Variants in CCDC102B observed in about 807,000 individuals in gnomAD.
CCDC102B encodes coiled-coil domain containing 102B.
Under a neutral mutation model 57.4 loss-of-function variants are expected in CCDC102B, and 75 were observed. That is an observed-to-expected ratio of 1.31 (90% CI 1.08 to 1.58). CCDC102B has a LOEUF of 1.58. Among genes scored for constraint, CCDC102B ranks in the 40% most tolerant of loss-of-function variants. CCDC102B has a pLI of 0.00. For synonymous variants in CCDC102B, 206 were observed against 201.9 expected (o/e 1.02, Z -0.17); for missense variants, 636 against 582.6 (o/e 1.09, Z -0.94).
intron 2 of CCDC102B, chr18:68,721,054 A>G (rs1402171414): frequency 6.6e-6 from 1 of 152,198 alleles, no homozygotes; most frequent in Non-Finnish European, 1.5e-5. Context: ...AGCCTGTGGG[A>G]CAGACAGACA....
At chr18:68,933,066 A>T (rs1355283796) in intron 6 of CCDC102B, among the ~76,000 whole-genome samples, 1 of 151,092 alleles carries the variant, frequency 6.6e-6, no homozygotes, top group Non-Finnish European at 1.5e-5. Flanking sequence ...TGCTCTAAAC[A>T]CTTAAATAGT....
In CCDC102B at chr18:68,874,579, A is replaced by T. The variant is rs565521839; in HGVS notation, c.937-90A>T. The stretch of plus-strand genomic sequence containing the variant: ...ATCCACATAGGAAAAAGGCAAAACA[A>T]CACTAAAGCTAAATGAAGGACTAAT... On this transcript the variant is annotated intron_variant, in intron 4 of 7. Transcript: ENST00000360242. 7.3e-5 allele frequency: 55 copies of T among 756,342 alleles called. No individual in the cohort carries two copies. In the African/African-American group the frequency reaches 9.3e-4, roughly 13 times the overall value. The allele number at this position is 756,342 out of a possible 1,614,324, so 46.9% of individuals were successfully genotyped here. A position where few individuals can be genotyped will look rare whatever the true frequency, so the allele number is the denominator to read the frequency against.
chr18:68,888,385 T>C (rs2039962245), intron 5 of CCDC102B, among the ~76,000 whole-genome samples: 2 of 152,214 alleles, frequency 1.3e-5, no homozygotes, highest in South Asian at 2.1e-4. Context: ...CTATATTCTG[T>C]ATTGGTCTAA....
At chr18:69,039,006 A>G (rs918860724) in intron 7 of CCDC102B, among the ~76,000 whole-genome samples, 2 of 151,928 alleles carry the variant, frequency 1.3e-5, no homozygotes, top group African/African-American at 4.8e-5. Flanking sequence ...GCCCTCGCAT[A>G]TTTTTATCAC....
chr18:68,808,206 T>A (rs937311598), intron 1 of CCDC102B, among the ~76,000 whole-genome samples: 2 of 151,638 alleles, frequency 1.3e-5, no homozygotes, highest in Non-Finnish European at 1.5e-5. Context: ...TTGTTTTATA[T>A]TATATTAAGA....
chr18:68,923,023 AT>A (rs1350925439), intron 6 of CCDC102B, among the ~76,000 whole-genome samples: 1 of 152,070 alleles, frequency 6.6e-6, no homozygotes, highest in Non-Finnish European at 1.5e-5. Flanking sequence ...AAAAAATTCA[AT>A]ATATTACATT....
chr18:68,792,918 G>A (rs2144664541), intron 2 of CCDC102B, among the ~76,000 whole-genome samples: 1 of 152,276 alleles, frequency 6.6e-6, no homozygotes, highest in South Asian at 2.1e-4. Context: ...TGGACATTGA[G>A]AGACAATTAT....
chr18:68,765,108 A>T (rs1453848528), intron 2 of CCDC102B, among the ~76,000 whole-genome samples: 2 of 148,466 alleles, frequency 1.3e-5, no homozygotes, highest in Non-Finnish European at 3.0e-5. Flanking sequence ...CTGTCATCCC[A>T]GCTACTCTGG....
intron 4 of CCDC102B, chr18:68,866,602 C>T (rs2038991809): frequency 3.3e-6 from 1 of 300,796 alleles, no homozygotes; most frequent in East Asian, 8.0e-5. Flanking sequence ...AAAGCTGCTC[C>T]TTTGGGAACC....
intron 5 of CCDC102B, among the ~76,000 whole-genome samples, chr18:68,880,892 C>T (rs1276792022): frequency 6.6e-6 from 1 of 152,118 alleles, no homozygotes; most frequent in Non-Finnish European, 1.5e-5. Context: ...TTGATCTGTT[C>T]AAGTTCAAAA....
At position 68,818,114 on chromosome 18, in the gene CCDC102B, G is replaced by A. The variant is rs138985888; in HGVS notation, c.-15-18635G>A. ...ACGTATTGAGACTCATTGAGTTTGT[G>A]CAAAGTATTTTCTTTTGGAGGAAAA... On this transcript the variant is annotated intron_variant, in intron 1 of 7. Transcript: ENST00000360242. Among the ~76,000 whole-genome samples, 19 of 152,186 alleles carry A rather than the reference G, an allele frequency of 1.2e-4. No homozygotes were observed. The East Asian group carries it at 3.7e-3, about 29-fold the overall frequency.
intron 6 of CCDC102B, among the ~76,000 whole-genome samples, chr18:68,933,948 C>A (rs1403867832): frequency 6.6e-6 from 1 of 151,772 alleles, no homozygotes; most frequent in African/African-American, 2.4e-5. Context: ...GGTATTTATG[C>A]ATTATAATAA....
intron 2 of CCDC102B, among the ~76,000 whole-genome samples, chr18:68,790,485 C>CCGTGGG (rs1189428903): frequency 1.3e-5 from 2 of 152,068 alleles, no homozygotes; most frequent in Non-Finnish European, 2.9e-5. Context: ...CAGCGAGACT[C>CCGTGGG]CGAGGGCGTA....
intron 6 of CCDC102B, among the ~76,000 whole-genome samples, chr18:68,935,881 G>T (rs2049222933): frequency 6.6e-6 from 1 of 151,836 alleles, no homozygotes; most frequent in South Asian, 2.1e-4. Context: ...TGATGCCTGA[G>T]AACTGTCCAT....
intron 7 of CCDC102B, among the ~76,000 whole-genome samples, chr18:69,025,529 A>G (rs1490540831): frequency 6.6e-6 from 1 of 152,208 alleles, no homozygotes; most frequent in Non-Finnish European, 1.5e-5. Flanking sequence ...CATCTCCTAG[A>G]GATATAAAAT....
At chr18:69,010,098 ATTTTTTTTT>A (rs71717825) in intron 6 of CCDC102B, among the ~76,000 whole-genome samples, 2 of 54,946 alleles carry the variant, frequency 3.6e-5, no homozygotes, top group East Asian at 9.7e-4. Context: ...TGCCCGGCTA[ATTTTTTTTT>A]TTTTTTTTTT....
chr18:68,799,360 T>C (rs2035761150), intron 1 of CCDC102B, among the ~76,000 whole-genome samples: 4 of 152,148 alleles, frequency 2.6e-5, no homozygotes, highest in Admixed American at 2.6e-4. Flanking sequence ...TCATTGTCTC[T>C]CTTTTGCATC....
At chr18:68,940,670 G>C (rs988286626) in intron 6 of CCDC102B, among the ~76,000 whole-genome samples, 5 of 151,420 alleles carry the variant, frequency 3.3e-5, no homozygotes, top group Non-Finnish European at 5.9e-5. Context: ...ATGAAAAAGA[G>C]CTTTGCAGGT....
intron 6 of CCDC102B, among the ~76,000 whole-genome samples, chr18:68,969,408 A>C (rs1391934107): frequency 1.3e-5 from 2 of 151,718 alleles, no homozygotes; most frequent in Non-Finnish European, 2.9e-5. Context: ...TGCGGTTGAA[A>C]TTTAGTCTGG....
Sources: gnomAD v4.1 joint callset for allele counts (sites outside exome capture counted in the v4.1 genomes callset) on GRCh38, gnomAD v4.1.1 for gene constraint, MANE v1.5 for transcripts, NCBI Gene and HGNC (gene_info 2026-07-23, HGNC 2026-07-21) for gene names.